The following ZFYVE28 variants were observed in gnomAD, a reference collection of about 807,000 sequenced individuals.
ZFYVE28 encodes zinc finger FYVE-type containing 28, also known as lateral signaling target protein 2 homolog.
ZFYVE28 carries 40 observed loss-of-function variants against 82.1 expected under a neutral mutation model. The observed-to-expected ratio is 0.49, with a 90% CI of 0.38 to 0.63. The LOEUF is 0.63. Ranked by LOEUF, ZFYVE28 falls within the 30% of genes least tolerant of loss-of-function variation. The probability of loss-of-function intolerance (pLI) is 0.00; values close to 1 mark genes in which losing one functional copy is unlikely to be tolerated. For missense variants in ZFYVE28, 1,321 were observed against 1,242.1 expected (o/e 1.06, Z -0.96); for synonymous variants, 612 against 546.1 (o/e 1.12, Z -1.68).
intron 8 of ZFYVE28, among the ~76,000 whole-genome samples, chr4:2,301,709 C>T (rs938331239): frequency 6.6e-6 from 1 of 151,946 alleles, no homozygotes; most frequent in African/African-American, 2.4e-5. Flanking sequence ...AAACCAAAAA[C>T]TCTCCCACTT....
At chr4:2,358,722 C>T (rs1578238753) in intron 1 of ZFYVE28, among the ~76,000 whole-genome samples, 1 of 152,302 alleles carries the variant, frequency 6.6e-6, no homozygotes, top group African/African-American at 2.4e-5. Context: ...ACTGTGACCA[C>T]ACCCCCCAAA....
chr4:2,354,082 G>A lies in ZFYVE28; in HGVS notation c.40-9C>T. ...AGCTGCGGATCCGACCTCTGCAGGA[G>A]AGAGGGGCCAGGGCCATGAGTGGGT... is the stretch of plus-strand genomic sequence containing the variant. On this transcript the variant is annotated splice_polypyrimidine_tract_variant and intron_variant, in intron 1 of 12. Transcript: ENST00000290974. The A allele has an allele frequency of 6.5e-7, 1 of 1,533,672 alleles. No homozygotes were observed. Among genetic ancestry groups the A allele is most frequent in the Non-Finnish European group, 8.8e-7 (1 of 1,139,428 alleles).
rs1722501417 is a variant in ZFYVE28 at position 2,339,899 on chromosome 4, G to A, written c.319-244C>T. Among the ~76,000 whole-genome samples, 1 of 151,268 alleles carries A rather than the reference G, an allele frequency of 6.6e-6. No individual in the cohort carries two copies. The highest frequency in any genetic ancestry group is 6.6e-5 in the Admixed American group (1 of 15,212). The stretch of plus-strand genomic sequence containing the variant: ...CAGGGCCCCAGGAGCAGGGAGGGCA[G>A]GGCATGGCAGGGCAGGTAAGGGCAG... On this transcript the variant is annotated intron_variant, in intron 3 of 12. Transcript: ENST00000290974. The surrounding 1 kb of genome is among the most constrained non-coding windows in gnomAD (Gnocchi z 5.0).
At chr4:2,396,749 G>A (rs1274064632) in intron 1 of ZFYVE28, among the ~76,000 whole-genome samples, 18 of 143,658 alleles carry the variant, frequency 1.3e-4, no homozygotes, top group Middle Eastern at 3.4e-3. Context: ...CTGAGCTGAT[G>A]GGACCAGCCA....
In ZFYVE28 at chr4:2,305,109, C is replaced by T; in HGVS notation, c.1231G>A (p.Glu411Lys). Residue 411 changes from glutamate (E) to lysine (K), a missense_variant, in exon 8 of 13, where the codon GAA (glutamate) becomes AAA (lysine). Transcript: ENST00000290974. The stretch of plus-strand genomic sequence containing the variant: ...GGGGACTCGGGCCTGGCCAGGGCTT[C>T]TGCCGTCCCCTCCACGTCATCCATG... Reference protein sequence around the residue: ...FFMDDVEGTAEALARPESPAG... With the variant: ...FFMDDVEGTAKALARPESPAG... The T allele has an allele frequency of 6.3e-7, 1 of 1,598,920 alleles. No individual in the cohort carries two copies. The highest frequency in any genetic ancestry group is 8.5e-7 in the Non-Finnish European group (1 of 1,171,984).
chr4:2,270,495 G>A lies in ZFYVE28; in HGVS notation c.*230C>T, dbSNP rs371590520. 1.3e-5 allele frequency: 8 copies of A among 610,408 alleles called. No homozygotes were observed. Among genetic ancestry groups the A allele is most frequent in the African/African-American group, 7.4e-5 (4 of 53,746 alleles). The allele number at this position is 610,408 out of a possible 1,614,324, so 37.8% of individuals were successfully genotyped here. Reference sequence around the variant, plus strand: ...CCTGAGGCAGCCACCAGGCTCCTCCGGGTCCCCTGCTGGGCAAAGCTGACC... The same window carrying A: ...CCTGAGGCAGCCACCAGGCTCCTCCAGGTCCCCTGCTGGGCAAAGCTGACC... On this transcript the variant is annotated 3_prime_UTR_variant, in exon 13 of 13. Coordinates refer to ENST00000290974, the MANE Select transcript of ZFYVE28 (RefSeq NM_020972.3).
At chr4:2,334,296 G>A (rs1721216088) in intron 6 of ZFYVE28, among the ~76,000 whole-genome samples, 1 of 152,090 alleles carries the variant, frequency 6.6e-6, no homozygotes. Flanking sequence ...AGGACCTAGG[G>A]GAGTGAGCGG....
chr4:2,316,883 G>A (rs1043017223), intron 7 of ZFYVE28, among the ~76,000 whole-genome samples: 9 of 151,868 alleles, frequency 5.9e-5, no homozygotes, highest in African/African-American at 1.2e-4. Context: ...TAGTAGAGAT[G>A]GGGTTTCACT....
intron 1 of ZFYVE28, among the ~76,000 whole-genome samples, chr4:2,380,718 C>G (rs1728642284): frequency 6.6e-6 from 1 of 152,208 alleles, no homozygotes; most frequent in Admixed American, 6.5e-5. Context: ...GTGAATAAGT[C>G]TCACAAGGAC....
chr4:2,308,688 A>AAAGAAAGAAAGAGAAAG (rs1560182579), intron 7 of ZFYVE28, among the ~76,000 whole-genome samples: 2 of 127,972 alleles, frequency 1.6e-5, no homozygotes, highest in African/African-American at 6.4e-5. Context: ...AGAAAGAAAG[A>AAAGAAAGAAAGAGAAAG]AAAGAAAAGA....
intron 9 of ZFYVE28, 101 bp downstream of exon 9, chr4:2,273,961 G>T: frequency 7.2e-7 from 1 of 1,392,386 alleles, no homozygotes. Flanking sequence ...GCTGTTTACA[G>T]GAAAGTGAGG....
intron 6 of ZFYVE28, among the ~76,000 whole-genome samples, chr4:2,329,322 C>G (rs770902246): frequency 2.6e-5 from 4 of 152,152 alleles, no homozygotes; most frequent in Non-Finnish European, 5.9e-5. Flanking sequence ...AGCATCCATG[C>G]CTTTCACCTT....
intron 6 of ZFYVE28, chr4:2,324,804 T>A (rs1719629912): frequency 6.5e-6 from 1 of 153,722 alleles, no homozygotes; most frequent in Non-Finnish European, 1.5e-5. Context: ...AAGAAAAACT[T>A]TAGGGAAAAA....
chr4:2,391,308 A>T (rs921200245), intron 1 of ZFYVE28, among the ~76,000 whole-genome samples: 1 of 148,990 alleles, frequency 6.7e-6, no homozygotes, highest in Admixed American at 6.6e-5. Context: ...AGCTCTCCCA[A>T]CCCGCGCTCA....
chr4:2,353,749 G>A (rs780466178), intron 2 of ZFYVE28, among the ~76,000 whole-genome samples, 184 bp downstream of exon 2: 10 of 152,040 alleles, frequency 6.6e-5, no homozygotes, highest in East Asian at 1.9e-4. Flanking sequence ...CTTCCAGCCC[G>A]GCTACCCACC....
chr4:2,289,926 G>A (rs1445107779), intron 8 of ZFYVE28, among the ~76,000 whole-genome samples: 1 of 44,364 alleles, frequency 2.3e-5, no homozygotes, highest in African/African-American at 6.1e-5. Flanking sequence ...GGGACAGCCA[G>A]GCTGTGGCCA....
At chr4:2,312,542 C>G (rs1224612153) in intron 7 of ZFYVE28, among the ~76,000 whole-genome samples, 3 of 151,570 alleles carry the variant, frequency 2.0e-5, no homozygotes, top group African/African-American at 7.3e-5. Flanking sequence ...TCCCGGCTAA[C>G]ATGGTGAAAC....
At chr4:2,272,299 C>T (rs893575362) in intron 10 of ZFYVE28, among the ~76,000 whole-genome samples, 10 of 152,172 alleles carry the variant, frequency 6.6e-5, no homozygotes, top group African/African-American at 1.4e-4. Flanking sequence ...TGTGCCCGGA[C>T]GCCCCATGAA....
chr4:2,311,372 A>G (rs1373682312), intron 7 of ZFYVE28, among the ~76,000 whole-genome samples: 1 of 152,130 alleles, frequency 6.6e-6, no homozygotes, highest in Non-Finnish European at 1.5e-5. Flanking sequence ...AAAAGTACAA[A>G]AAAATTAGCT....
Sources: gnomAD v4.1 joint callset for allele counts (sites outside exome capture counted in the v4.1 genomes callset) on GRCh38, gnomAD v4.1.1 for gene constraint, Gnocchi (gnomAD v3.1) non-coding constraint, MANE v1.5 for transcripts, NCBI Gene and HGNC (gene_info 2026-07-23, HGNC 2026-07-21) for gene names.